Variants in FNBP1 observed in about 807,000 individuals in gnomAD.
The protein encoded by FNBP1 is formin binding protein 1, also known as formin-binding protein 1.
FNBP1 carries 26 observed loss-of-function variants against 90.6 expected under a neutral mutation model. The ratio of observed to expected loss-of-function variants is 0.29; its 90% CI spans 0.21 to 0.40. The LOEUF (loss-of-function observed/expected upper bound fraction) is 0.40. FNBP1 is among the 10% of genes least tolerant of loss of function. The pLI is 1.00. For missense variants in FNBP1, 635 were observed against 768.0 expected, an observed-to-expected ratio of 0.83 and a Z score of 2.05; for synonymous variants, 260 against 265.2, an observed-to-expected ratio of 0.98 and a Z score of 0.19.
intron 16 of FNBP1, among the ~76,000 whole-genome samples, chr9:129,892,414 C>CACACACAAACAA: frequency 8.0e-6 from 1 of 125,324 alleles, no homozygotes; most frequent in South Asian, 2.6e-4. Flanking sequence ...CACACACACA[C>CACACACAAACAA]ACAAAAAGGT....
At chr9:129,951,418 CTATT>C (rs532417506) in intron 6 of FNBP1, among the ~76,000 whole-genome samples, 66 of 143,644 alleles carry the variant, frequency 4.6e-4, no homozygotes, top group East Asian at 6.0e-4. Flanking sequence ...TATATAATTT[CTATT>C]TATTTATTTA....
At chr9:130,035,090 A>C (rs905713339) in intron 1 of FNBP1, among the ~76,000 whole-genome samples, 1 of 152,212 alleles carries the variant, frequency 6.6e-6, no homozygotes, top group Admixed American at 6.5e-5. Context: ...CAGAGGTTGC[A>C]GTGAGTCGAG....
intron 6 of FNBP1, among the ~76,000 whole-genome samples, chr9:129,952,011 G>T (rs886288333): frequency 6.6e-6 from 1 of 150,642 alleles, no homozygotes; most frequent in African/African-American, 2.4e-5. Context: ...GGCCAACATG[G>T]TGAAACCCCA....
chr9:129,972,215 C>A (rs2049565627), intron 4 of FNBP1, among the ~76,000 whole-genome samples: 1 of 152,244 alleles, frequency 6.6e-6, no homozygotes, highest in African/African-American at 2.4e-5. Context: ...CTCACTGCAA[C>A]CTCTGCCTCC....
intron 12 of FNBP1, among the ~76,000 whole-genome samples, chr9:129,905,176 T>C (rs1216027707): frequency 6.6e-6 from 1 of 151,730 alleles, no homozygotes; most frequent in African/African-American, 2.4e-5. Flanking sequence ...ATATCCATTA[T>C]CTTTAGCTTC....
At chr9:130,001,128 C>T (rs999904039) in intron 1 of FNBP1, among the ~76,000 whole-genome samples, 6 of 151,758 alleles carry the variant, frequency 4.0e-5, no homozygotes, top group Non-Finnish European at 7.4e-5. Flanking sequence ...GTCAGGAGCT[C>T]GAGACCAGCC....
At chr9:130,003,537 G>A (rs1030792198) in intron 1 of FNBP1, among the ~76,000 whole-genome samples, 1 of 151,976 alleles carries the variant, frequency 6.6e-6, no homozygotes, top group South Asian at 2.1e-4. Context: ...AACCTGGGAG[G>A]TGGAGGCTGC....
At chr9:129,961,115 C>A (rs2047744422) in intron 4 of FNBP1, among the ~76,000 whole-genome samples, 1 of 151,996 alleles carries the variant, frequency 6.6e-6, no homozygotes, top group African/African-American at 2.4e-5. Flanking sequence ...GAGTTCTAGA[C>A]CAGCCTGGGC....
chr9:129,910,210 C>T (rs1298561389), intron 11 of FNBP1: 2 of 456,014 alleles, frequency 4.4e-6, no homozygotes, highest in Admixed American at 2.4e-5. Flanking sequence ...GTGCTGGGCA[C>T]GGTGGCTCAT....
chr9:129,924,965 T>C lies in FNBP1; in HGVS notation c.982A>G (p.Asn328Asp), dbSNP rs780873303. ...KGKLWPFIKK[N>D]KLMSLLTSPH... Reference sequence around the variant, plus strand: ...TTCACGCCAACCATCAGTACCTTATTTTTTTTGATGAACGGCCATAACTTT... The same window carrying C: ...TTCACGCCAACCATCAGTACCTTATCTTTTTTGATGAACGGCCATAACTTT... The change falls in exon 9 of 17, where the codon AAT becomes GAT. Residue 328 changes from asparagine (N) to aspartate (D), a missense_variant. Coordinates refer to ENST00000446176, the MANE Select transcript of FNBP1 (RefSeq NM_015033.3). 1 of 1,611,826 alleles carries C rather than the reference T, an allele frequency of 6.2e-7. No homozygotes were observed.
chr9:129,933,811 C>A (rs1163883507), intron 6 of FNBP1, among the ~76,000 whole-genome samples: 1 of 152,148 alleles, frequency 6.6e-6, no homozygotes, highest in Non-Finnish European at 1.5e-5. Flanking sequence ...ACATCAGATT[C>A]TCCAAAGCCG....
intron 1 of FNBP1, among the ~76,000 whole-genome samples, chr9:130,022,654 A>C (rs2057948888): frequency 6.6e-6 from 1 of 152,194 alleles, no homozygotes; most frequent in Non-Finnish European, 1.5e-5. Flanking sequence ...TTTCACACAA[A>C]TACCAACACT....
intron 2 of FNBP1, among the ~76,000 whole-genome samples, chr9:129,986,269 T>C (rs777275700): frequency 6.6e-5 from 10 of 152,112 alleles, no homozygotes; most frequent in Admixed American, 2.0e-4. Flanking sequence ...TCCTTCAGAT[T>C]ATTTATACTA....
intron 1 of FNBP1, among the ~76,000 whole-genome samples, chr9:130,040,743 A>G (rs1195917135): frequency 6.6e-6 from 1 of 152,142 alleles, no homozygotes; most frequent in African/African-American, 2.4e-5. Context: ...AAAATTACAA[A>G]TAGTTCACAT....
At chr9:129,955,815 A>G (rs1021510505) in intron 6 of FNBP1, among the ~76,000 whole-genome samples, 1 of 144,406 alleles carries the variant, frequency 6.9e-6, no homozygotes, top group African/African-American at 2.6e-5. Flanking sequence ...AAATATATAC[A>G]TATATACTTC....
chr9:129,940,865 T>A (rs2044223863), intron 6 of FNBP1, among the ~76,000 whole-genome samples: 1 of 151,980 alleles, frequency 6.6e-6, no homozygotes. Flanking sequence ...GACCTCGTGA[T>A]CTGCCCACCT....
At chr9:129,920,351 G>C (rs1458778000) in intron 10 of FNBP1, among the ~76,000 whole-genome samples, 1 of 152,184 alleles carries the variant, frequency 6.6e-6, no homozygotes, top group Non-Finnish European at 1.5e-5. Flanking sequence ...ACCCAGGCTG[G>C]AATGCAGTGG....
chr9:129,959,136 A>G (rs2047411180), intron 4 of FNBP1, among the ~76,000 whole-genome samples: 1 of 151,980 alleles, frequency 6.6e-6, no homozygotes, highest in Non-Finnish European at 1.5e-5. Flanking sequence ...ACAACTGTAT[A>G]AAATTTGAAG....
chr9:129,934,595 A>G (rs2043175953), intron 6 of FNBP1, among the ~76,000 whole-genome samples: 2 of 149,724 alleles, frequency 1.3e-5, no homozygotes, highest in African/African-American at 4.9e-5. Context: ...TTTTTGAGAC[A>G]GAGTCTCACT....
Sources: gnomAD v4.1 joint callset for allele counts (sites outside exome capture counted in the v4.1 genomes callset) on GRCh38, gnomAD v4.1.1 for gene constraint, MANE v1.5 for transcripts, NCBI Gene and HGNC (gene_info 2026-07-23, HGNC 2026-07-21) for gene names.